The following CNBD1 variants were observed in gnomAD, a reference collection of about 807,000 sequenced individuals.
CNBD1 encodes cyclic nucleotide binding domain containing 1.
Under a neutral mutation model 54.4 loss-of-function variants are expected in CNBD1, and 71 were observed. The observed-to-expected ratio is 1.30, with a 90% CI of 1.08 to 1.59. CNBD1 has a LOEUF of 1.59. Among genes scored for constraint, CNBD1 ranks in the 40% most tolerant of loss-of-function variants. The pLI, the probability that CNBD1 is intolerant of heterozygous loss-of-function variation, is 0.00. For missense variants in CNBD1, 659 were observed against 518.0 expected, an observed-to-expected ratio of 1.27 and a Z score of -2.64; for synonymous variants, 182 against 170.7, an observed-to-expected ratio of 1.07 and a Z score of -0.51.
chr8:87,299,734 G>A (rs2130881041), intron 8 of CNBD1, among the ~76,000 whole-genome samples: 1 of 152,284 alleles, frequency 6.6e-6, no homozygotes, highest in South Asian at 2.1e-4. Flanking sequence ...CTGGGTGTAT[G>A]TTAGAAAAAG....
rs1468108787 is a variant in CNBD1 at position 87,166,759 on chromosome 8, A to G, written c.432-39234A>G. On this transcript the variant is annotated intron_variant, in intron 4 of 10. Transcript: ENST00000518476. The surrounding 1 kb of genome is among the most constrained non-coding windows in gnomAD (Gnocchi z 4.3). ...AAAATTTTATGACAGCCTCCGTTGC[A>G]TATTTTGTTTACCCTTGCATTTCTC... Among the ~76,000 whole-genome samples the G allele has an allele frequency of 1.3e-5, 2 of 151,926 alleles. No homozygotes were observed. Among genetic ancestry groups the G allele is most frequent in the Non-Finnish European group, 2.9e-5 (2 of 67,920 alleles).
chr8:87,254,599 T>A (rs1226423570), intron 6 of CNBD1, among the ~76,000 whole-genome samples: 1 of 152,212 alleles, frequency 6.6e-6, no homozygotes, highest in East Asian at 1.9e-4. Flanking sequence ...ATGGTGCTAA[T>A]GACTTCACTG....
At chr8:87,226,756 C>A (rs1814507696) in intron 5 of CNBD1, among the ~76,000 whole-genome samples, 1 of 151,742 alleles carries the variant, frequency 6.6e-6, no homozygotes, top group South Asian at 2.1e-4. Flanking sequence ...TCTATTAGGT[C>A]CGCTTGGTGC....
At chr8:87,275,831 C>T (rs1386470110) in intron 6 of CNBD1, among the ~76,000 whole-genome samples, 4 of 151,624 alleles carry the variant, frequency 2.6e-5, no homozygotes, top group Non-Finnish European at 5.9e-5. Flanking sequence ...ACCCCATTGT[C>T]TCAGCCCAAA....
chr8:87,366,616 A>G (rs1810648246), intron 10 of CNBD1, among the ~76,000 whole-genome samples: 1 of 152,080 alleles, frequency 6.6e-6, no homozygotes, highest in Non-Finnish European at 1.5e-5. Flanking sequence ...ACTGTGTAAT[A>G]TAACATAATC....
chr8:87,016,861 A>T (rs1809367506), intron 4 of CNBD1, among the ~76,000 whole-genome samples: 1 of 152,154 alleles, frequency 6.6e-6, no homozygotes, highest in Non-Finnish European at 1.5e-5. Flanking sequence ...ATAAAATACC[A>T]AGTAAAGTAC....
At chr8:87,040,565 A>T (rs1810046105) in intron 4 of CNBD1, among the ~76,000 whole-genome samples, 1 of 151,474 alleles carries the variant, frequency 6.6e-6, no homozygotes, top group Non-Finnish European at 1.5e-5. Flanking sequence ...CTGGGACTAC[A>T]GGTGCCTGCC....
At chr8:87,045,358 C>T (rs1586219393) in intron 4 of CNBD1, among the ~76,000 whole-genome samples, 1 of 152,278 alleles carries the variant, frequency 6.6e-6, no homozygotes, top group East Asian at 1.9e-4. Flanking sequence ...GGGACTGAAG[C>T]CTGCTCTTTC....
chr8:87,183,543 T>C (rs1813409463), intron 4 of CNBD1, among the ~76,000 whole-genome samples: 1 of 152,156 alleles, frequency 6.6e-6, no homozygotes, highest in Admixed American at 6.5e-5. Flanking sequence ...TCCAGCCATT[T>C]CAGTCTGGTT....
chr8:87,395,165 C>T (rs1811386811), intron 2 of CNBD1, among the ~76,000 whole-genome samples: 1 of 151,864 alleles, frequency 6.6e-6, no homozygotes, highest in African/African-American at 2.4e-5. Context: ...AGGTGAGCAT[C>T]ATTCTACTCT....
At chr8:87,122,501 T>C (rs1811909859) in intron 4 of CNBD1, among the ~76,000 whole-genome samples, 1 of 151,898 alleles carries the variant, frequency 6.6e-6, no homozygotes, top group Non-Finnish European at 1.5e-5. Flanking sequence ...CTCTTCAGTC[T>C]GTTAATTATT....
intron 4 of CNBD1, among the ~76,000 whole-genome samples, chr8:86,966,304 C>G (rs1808073142): frequency 6.6e-6 from 1 of 152,186 alleles, no homozygotes; most frequent in South Asian, 2.1e-4. Flanking sequence ...TTCCCCAACT[C>G]CCACTCCAAG....
At chr8:87,380,290 A>G (rs1811047995) in intron 10 of CNBD1, among the ~76,000 whole-genome samples, 1 of 151,894 alleles carries the variant, frequency 6.6e-6, no homozygotes, top group Non-Finnish European at 1.5e-5. Flanking sequence ...TAAAAATAAG[A>G]TCATTCTTGG....
At position 86,989,304 on chromosome 8, in the gene CNBD1, A is replaced by ATACATACATAC. The variant is rs1586182914; in HGVS notation, c.431+49550_431+49551insTACATACATAC. Among the ~76,000 whole-genome samples, 405 of 149,250 alleles carry ATACATACATAC rather than the reference A, an allele frequency of 2.7e-3. 2 individuals carry two copies. The highest frequency in any genetic ancestry group is 8.9e-3 in the African/African-American group (360 of 40,342). ...GCAAGACAGCATCTCAAAACAAATA[A>ATACATACATAC]ATACATACATACATACATACATACA... On this transcript the variant is annotated intron_variant, in intron 4 of 10. Coordinates refer to ENST00000518476, the MANE Select transcript of CNBD1 (RefSeq NM_173538.3).
chr8:86,908,121 A>G (rs919691390), intron 3 of CNBD1, among the ~76,000 whole-genome samples: 2 of 152,208 alleles, frequency 1.3e-5, no homozygotes, highest in Non-Finnish European at 2.9e-5. Flanking sequence ...AGTAGGAGAA[A>G]TGCTACATAG....
At chr8:87,407,511 C>A (rs1807670819) in intron 2 of CNBD1, among the ~76,000 whole-genome samples, 1 of 151,902 alleles carries the variant, frequency 6.6e-6, no homozygotes, top group South Asian at 2.1e-4. Context: ...GGGCCTGTAT[C>A]TCAGAATGGA....
At chr8:86,940,117 A>T (rs1809624939) in intron 4 of CNBD1, among the ~76,000 whole-genome samples, 1 of 141,248 alleles carries the variant, frequency 7.1e-6, no homozygotes, top group African/African-American at 2.8e-5. Context: ...CTTTAAATAA[A>T]CTTACCACAT....
intron 5 of CNBD1, 56 bp from the exon 6 acceptor site, chr8:87,236,863 T>C (rs1302233459): frequency 1.2e-5 from 12 of 1,031,846 alleles, no homozygotes; most frequent in African/African-American, 9.6e-5. Flanking sequence ...ATTAGTCATA[T>C]CTATATCAAG....
chr8:87,332,741 C>T (rs1809862208), intron 8 of CNBD1, among the ~76,000 whole-genome samples: 1 of 152,076 alleles, frequency 6.6e-6, no homozygotes, highest in Non-Finnish European at 1.5e-5. Context: ...GTCTGTATGT[C>T]TGTTTTTGTA....
Sources: allele counts gnomAD v4.1 joint callset (sites outside exome capture counted in the v4.1 genomes callset), GRCh38; gene constraint gnomAD v4.1.1; non-coding constraint Gnocchi (gnomAD v3.1); transcripts MANE v1.5; gene names NCBI Gene and HGNC (gene_info 2026-07-23, HGNC 2026-07-21).